ACTR6: variants seen among roughly 807,000 people sequenced by gnomAD.
ACTR6 encodes the protein actin related protein 6.
A neutral mutation model predicts 52.5 loss-of-function variants in ACTR6; 50 were observed. The observed-to-expected ratio is 0.95, with a 90% CI of 0.76 to 1.20. The LOEUF is 1.20. ACTR6 is among the 50% of genes most tolerant of loss of function. ACTR6 has a pLI of 0.00. For synonymous variants in ACTR6, 135 were observed against 147.2 expected (o/e 0.92, Z 0.60); for missense variants, 344 against 472.4 (o/e 0.73, Z 2.52).
chr12:100,212,650 A>G (rs2153900482), intron 8 of ACTR6, 122 bp downstream of exon 8: 1 of 627,806 alleles, frequency 1.6e-6, no homozygotes, highest in East Asian at 2.8e-5. Flanking sequence ...CCCTGTCTCT[A>G]TTATAAAATT....
At position 100,200,885 on chromosome 12, in the gene ACTR6, A is replaced by C. The variant is rs756090134; in HGVS notation, c.34A>C (p.Asn12His). The change falls in exon 1 of 11, where the codon AAC becomes CAC. Residue 12 changes from asparagine (N) to histidine (H), a missense_variant. Physicochemically the swap from Asn to His is moderately conservative, Grantham distance 68. Transcript: ENST00000188312. ...TTLVLDNGAY[N>H]AKIGYSHENV... The stretch of plus-strand genomic sequence containing the variant: ...CTTAGTGCTGGATAATGGAGCTTAC[A>C]ACGCCAAAATCGGTTACAGCCATGA... The C allele has an allele frequency of 2.5e-6, 4 of 1,614,162 alleles. No homozygotes were observed. The highest frequency in any genetic ancestry group is 3.4e-6 in the Non-Finnish European group (4 of 1,180,014).
chr12:100,210,721 CAA>C (rs537889632), intron 6 of ACTR6, among the ~76,000 whole-genome samples: 14 of 129,894 alleles, frequency 1.1e-4, no homozygotes, highest in Non-Finnish European at 6.7e-5. Context: ...CTCTCTCTCT[CAA>C]AAAAAAAAAA....
intron 1 of ACTR6, among the ~76,000 whole-genome samples, chr12:100,201,919 G>A (rs2096110049): frequency 6.6e-6 from 1 of 151,108 alleles, no homozygotes; most frequent in African/African-American, 2.5e-5. Flanking sequence ...CCTACACCCA[G>A]CTGACAAAGC....
At chr12:100,215,335 T>C (rs758585684) in intron 8 of ACTR6, among the ~76,000 whole-genome samples, 1 of 152,262 alleles carries the variant, frequency 6.6e-6, no homozygotes, top group Non-Finnish European at 1.5e-5. Flanking sequence ...CATTTTCTTC[T>C]AAACTCTGCC....
chr12:100,222,327 G>A (rs1013116672), intron 10 of ACTR6, among the ~76,000 whole-genome samples: 6 of 144,716 alleles, frequency 4.1e-5, no homozygotes, highest in African/African-American at 7.8e-5. Context: ...GTATGATCAC[G>A]GCTCACTGCA....
At chr12:100,220,404 T>C (rs1190049511) in intron 10 of ACTR6, among the ~76,000 whole-genome samples, 1 of 152,228 alleles carries the variant, frequency 6.6e-6, no homozygotes. Context: ...TACTCCCATG[T>C]AGTAAATCAG....
In ACTR6 at chr12:100,223,849, G is replaced by A; in HGVS notation, c.1125G>A (p.Met375Ile). The A allele has an allele frequency of 6.2e-7, 1 of 1,611,750 alleles. No homozygotes were observed. ...LISENDDFED[M>I]VVTREDYEEN... ...CAGAGAATGATGATTTTGAAGATAT[G>A]GTGGTAACAAGAGAAGATTACGAAG... The change falls in exon 11 of 11, where the codon ATG (methionine) becomes ATA (isoleucine). Residue 375 changes from methionine to isoleucine, a missense_variant. Coordinates refer to ENST00000188312, the MANE Select transcript of ACTR6 (RefSeq NM_022496.5).
chr12:100,206,675 C>CT (rs985988536), intron 3 of ACTR6, among the ~76,000 whole-genome samples: 307 of 139,768 alleles, frequency 2.2e-3, no homozygotes, highest in Middle Eastern at 3.6e-3. Context: ...TTTTTTTTTT[C>CT]TTTTTTTTTT....
In ACTR6 at chr12:100,218,385, C is replaced by T; in HGVS notation, c.751-30C>T. On this transcript the variant is annotated intron_variant, in intron 8 of 10. Coordinates refer to ENST00000188312, the MANE Select transcript of ACTR6 (RefSeq NM_022496.5). This position sits in a 1 kb window ranked among gnomAD's most constrained non-coding sequence, Gnocchi z 4.2. ...TAGTCATGTGAGCTAGATAATATAA[C>T]TTAAACTTTTAATCTTCTTTGTCTT... 1.3e-6 allele frequency: 2 copies of T among 1,586,984 alleles called. No individual in the cohort carries two copies. The highest frequency in any genetic ancestry group is 1.7e-6 in the Non-Finnish European group (2 of 1,164,164).
intron 8 of ACTR6, among the ~76,000 whole-genome samples, chr12:100,213,122 ACT>A (rs1731584563): frequency 6.6e-6 from 1 of 151,068 alleles, no homozygotes; most frequent in Non-Finnish European, 1.5e-5. Context: ...ACAACATCTC[ACT>A]CTGTCATCCA....
chr12:100,213,647 C>A (rs149264695), intron 8 of ACTR6, among the ~76,000 whole-genome samples: 392 of 152,156 alleles, frequency 2.6e-3, no homozygotes, highest in African/African-American at 9.0e-3. Context: ...CATAGCTGAC[C>A]TAGGGCCAAA....
rs761858961 is a variant in ACTR6 at position 100,220,111 on chromosome 12, A to G, written c.1026A>G (p.Pro342=). 1.2e-6 allele frequency: 2 copies of G among 1,613,900 alleles called. No homozygotes were observed. Among genetic ancestry groups the G allele is most frequent in the Middle Eastern group, 1.7e-4 (1 of 6,060 alleles). The change falls in exon 10 of 11, where the codon CCA becomes CCG. Residue 342 remains proline (P), a synonymous_variant. Transcript: ENST00000188312. ...ACTCAGAAGTTCGATGTCTTACTCCAACAGATTATGATGTTTCTGTTGTGC... is the reference window on the plus strand; with the variant it reads ...ACTCAGAAGTTCGATGTCTTACTCCGACAGATTATGATGTTTCTGTTGTGC... ...RVYSEVRCLT[P]TDYDVSVVLP... is the part of the protein sequence containing the mutation.
At chr12:100,212,188 A>T (rs1160383168) in intron 6 of ACTR6, 68 bp from the exon 7 acceptor site, 9 of 1,167,910 alleles carry the variant, frequency 7.7e-6, no homozygotes, top group East Asian at 2.5e-5. Flanking sequence ...TCCAGAAAAA[A>T]ATTTCAGATA....
intron 8 of ACTR6, among the ~76,000 whole-genome samples, chr12:100,213,276 A>G (rs888132730): frequency 6.6e-6 from 1 of 151,990 alleles, no homozygotes; most frequent in Non-Finnish European, 1.5e-5. Flanking sequence ...TATTTTTTGT[A>G]GAGGTGGGGT....
chr12:100,219,005 T>C (rs891164846), intron 9 of ACTR6, among the ~76,000 whole-genome samples: 6 of 151,832 alleles, frequency 4.0e-5, no homozygotes, highest in Admixed American at 2.6e-4. Flanking sequence ...TTTAAAGAGA[T>C]TGGAATATGG....
chr12:100,202,395 C>G (rs1475627862), intron 1 of ACTR6, among the ~76,000 whole-genome samples: 1 of 152,040 alleles, frequency 6.6e-6, no homozygotes, highest in Non-Finnish European at 1.5e-5. Context: ...ATAACAAATT[C>G]AAGCTTCTTA....
intron 10 of ACTR6, chr12:100,221,760 A>C (rs1192880990): frequency 3.3e-5 from 5 of 151,720 alleles, no homozygotes; most frequent in African/African-American, 1.2e-4. Context: ...GCGTCACTGC[A>C]CTCCAGCCTG....
At chr12:100,219,534 CAT>C (rs1192302299) in intron 9 of ACTR6, among the ~76,000 whole-genome samples, 5 of 152,232 alleles carry the variant, frequency 3.3e-5, no homozygotes, top group African/African-American at 4.8e-5. Flanking sequence ...GCACAACATA[CAT>C]GTTTGCCTCA....
In ACTR6 at chr12:100,212,367, A is replaced by C; in HGVS notation, c.671+13A>C. 6.3e-7 allele frequency: 1 copy of C among 1,599,374 alleles called. No individual in the cohort carries two copies. Among genetic ancestry groups the C allele is most frequent in the Non-Finnish European group, 8.6e-7 (1 of 1,167,568 alleles). On this transcript the variant is annotated intron_variant, in intron 7 of 10. Coordinates refer to ENST00000188312, the MANE Select transcript of ACTR6 (RefSeq NM_022496.5). The stretch of plus-strand genomic sequence containing the variant: ...TGGATATTGCAAAGTATGTATAATG[A>C]CAATCTAAGAATTGGAAAGTAGATT...
Sources: gnomAD v4.1 joint callset for allele counts (sites outside exome capture counted in the v4.1 genomes callset) on GRCh38, gnomAD v4.1.1 for gene constraint, Gnocchi (gnomAD v3.1) non-coding constraint, MANE v1.5 for transcripts, NCBI Gene and HGNC (gene_info 2026-07-23, HGNC 2026-07-21) for gene names.